The following ARHGEF10 variants were observed in gnomAD, a reference collection of about 807,000 sequenced individuals.
ARHGEF10 encodes Rho guanine nucleotide exchange factor (GEF) 10.
A neutral mutation model predicts 147.4 loss-of-function variants in ARHGEF10; 140 were observed. That is an observed-to-expected ratio of 0.95 (90% confidence interval 0.83 to 1.09). The LOEUF is 1.09. Ranked by LOEUF, ARHGEF10 falls within the 50% of genes least tolerant of loss-of-function variation. The probability of loss-of-function intolerance (pLI) is 0.00; values close to 1 mark genes in which losing one functional copy is unlikely to be tolerated. For missense variants in ARHGEF10, 2,222 were observed against 1,752.7 expected (o/e 1.27, Z -4.78); for synonymous variants, 902 against 695.8 (o/e 1.30, Z -4.67).
At chr8:1,866,633 C>G (rs746630899) in intron 6 of ARHGEF10, 31 bp downstream of exon 6, 2 of 1,594,020 alleles carry the variant, frequency 1.3e-6, no homozygotes, top group Non-Finnish European at 1.7e-6. Flanking sequence ...CAGCCAGAAT[C>G]CTCACCACGC....
In ARHGEF10 at chr8:1,926,468, G is replaced by T; in HGVS notation, c.2697+5G>T. 1 of 1,612,984 alleles carries T rather than the reference G, an allele frequency of 6.2e-7. No individual in the cohort carries two copies. Among genetic ancestry groups the T allele is most frequent in the Non-Finnish European group, 8.5e-7 (1 of 1,178,962 alleles). On this transcript the variant is annotated splice_donor_5th_base_variant and intron_variant, in intron 23 of 28. Coordinates refer to ENST00000349830, the MANE Select transcript of ARHGEF10 (RefSeq NM_014629.4). ...ACGGCACATGGTTTCCTGTGGGTAA[G>T]ATGTGTTTATTTGGTTTTGGTACAA...
intron 27 of ARHGEF10, chr8:1,945,893 G>GAGCCGCGTGCTGGGAGA: frequency 1.4e-6 from 1 of 713,956 alleles, no homozygotes; most frequent in Admixed American, 2.4e-5. Flanking sequence ...GTGCTGGGAG[G>GAGCCGCGTGCTGGGAGA]AGCCGCGTGC....
At chr8:1,917,297 T>C (rs540371221) in intron 18 of ARHGEF10, among the ~76,000 whole-genome samples, 1 of 152,358 alleles carries the variant, frequency 6.6e-6, no homozygotes, top group South Asian at 2.1e-4. Context: ...TTTTATGATT[T>C]GATTTGTGAA....
intron 18 of ARHGEF10, among the ~76,000 whole-genome samples, chr8:1,910,227 A>G (rs999219248): frequency 6.6e-6 from 1 of 152,188 alleles, no homozygotes; most frequent in Non-Finnish European, 1.5e-5. Flanking sequence ...ATATGCATGA[A>G]TTTTTCAGAT....
intron 21 of ARHGEF10, 76 bp downstream of exon 21, chr8:1,923,950 G>C: frequency 7.2e-7 from 1 of 1,387,162 alleles, no homozygotes; most frequent in Non-Finnish European, 1.0e-6. Flanking sequence ...GTGAGGTCAG[G>C]GTTGAGAAGG....
rs868539960 is a variant in ARHGEF10, at chr8:1,841,884, G to T, written c.-47-1469G>T. Among the ~76,000 whole-genome samples, 826 of 106,894 alleles carry T rather than the reference G, an allele frequency of 7.7e-3. 12 individuals carry two copies. The highest frequency in any genetic ancestry group is 0.032 in the African/African-American group (732 of 22,658). 70.1% of individuals were successfully genotyped at this position (106,894 alleles called of 152,430 possible). The stretch of plus-strand genomic sequence containing the variant: ...AACTGGGGCCGCGGCGGGAACTGGG[G>T]CCGCGGCGGGAACTGGGGCCGCGGC... On this transcript the variant is annotated intron_variant, in intron 1 of 28. Coordinates refer to ENST00000349830, the MANE Select transcript of ARHGEF10 (RefSeq NM_014629.4).
At chr8:1,880,561 A>G (rs1426953761) in intron 9 of ARHGEF10, among the ~76,000 whole-genome samples, 4 of 152,378 alleles carry the variant, frequency 2.6e-5, no homozygotes, top group African/African-American at 9.6e-5. Context: ...TTATAAAAAT[A>G]TCCAAAATTT....
chr8:1,875,437 G>A (rs1807614484), intron 7 of ARHGEF10, among the ~76,000 whole-genome samples: 1 of 152,116 alleles, frequency 6.6e-6, no homozygotes, highest in Non-Finnish European at 1.5e-5. Context: ...GAGCTCTCAG[G>A]ATGATGCCCA....
intron 11 of ARHGEF10, among the ~76,000 whole-genome samples, chr8:1,889,894 G>A (rs1809300576): frequency 7.3e-6 from 1 of 137,528 alleles, no homozygotes; most frequent in African/African-American, 2.9e-5. Flanking sequence ...AGGAGACACT[G>A]CATGGGGTGA....
chr8:1,851,683 C>T (rs571057887), intron 2 of ARHGEF10, among the ~76,000 whole-genome samples: 1 of 152,244 alleles, frequency 6.6e-6, no homozygotes, highest in East Asian at 1.9e-4. Context: ...GAGGCCGAGG[C>T]AGGAGGATCA....
intron 11 of ARHGEF10, among the ~76,000 whole-genome samples, chr8:1,887,722 AG>A (rs1808804526): frequency 6.8e-6 from 1 of 147,350 alleles, no homozygotes; most frequent in African/African-American, 2.5e-5. Flanking sequence ...GTTTGTGAGA[AG>A]ACGCTAGATG....
At chr8:1,838,436 G>C (rs140593010) in intron 1 of ARHGEF10, among the ~76,000 whole-genome samples, 1 of 152,220 alleles carries the variant, frequency 6.6e-6, no homozygotes, top group Non-Finnish European at 1.5e-5. Flanking sequence ...ACAGCCACCC[G>C]GCACCCGCCC....
At position 1,952,856 on chromosome 8, in the gene ARHGEF10, G is replaced by C. The variant is rs557607453; in HGVS notation, c.3520+29G>C. ...AGTGGCACCTGCAGTCTGAGTGGCT[G>C]CATCCTGTCTTGCAGGCTCGTGGAG... On this transcript the variant is annotated intron_variant, in intron 28 of 28. Coordinates refer to ENST00000349830, the MANE Select transcript of ARHGEF10 (RefSeq NM_014629.4). 2.3e-5 allele frequency: 37 copies of C among 1,613,540 alleles called. 1 individual carries two copies. In the Admixed American group the frequency reaches 5.5e-4, roughly 24 times the overall value.
rs748806302 is a variant in ARHGEF10 at position 1,928,430 on chromosome 8, G to A, written c.2701G>A (p.Gly901Arg). The A allele has an allele frequency of 7.4e-6, 12 of 1,613,638 alleles. No individual in the cohort carries two copies. Among genetic ancestry groups the A allele is most frequent in the East Asian group, 2.2e-5 (1 of 44,880 alleles). ...TCCTCCTAATTCTCTGATTCAGATCGGAAGTTGCACCCATCAAATGGGTCA... is the reference window on the plus strand; with the variant it reads ...TCCTCCTAATTCTCTGATTCAGATCAGAAGTTGCACCCATCAAATGGGTCA... ...FSTAHGFLWIGSCTHQMGQIA... is the reference protein window; with the variant it reads ...FSTAHGFLWIRSCTHQMGQIA... The change falls in exon 24 of 29, where the codon GGA becomes AGA. Residue 901 changes from glycine (G) to arginine (R), a missense_variant. Transcript: ENST00000349830.
chr8:1,848,589 A>G (rs1435497810), intron 2 of ARHGEF10, among the ~76,000 whole-genome samples: 1 of 152,214 alleles, frequency 6.6e-6, no homozygotes, highest in Non-Finnish European at 1.5e-5. Flanking sequence ...TAGGGAAGCT[A>G]CATTTCAGGT....
intron 1 of ARHGEF10, among the ~76,000 whole-genome samples, chr8:1,830,189 G>A (rs1803006361): frequency 6.6e-6 from 1 of 151,978 alleles, no homozygotes; most frequent in Admixed American, 6.5e-5. Flanking sequence ...CTGTGTGCGC[G>A]CACCTGTAAT....
intron 1 of ARHGEF10, among the ~76,000 whole-genome samples, chr8:1,830,512 C>G (rs1344130374): frequency 6.6e-6 from 1 of 152,164 alleles, no homozygotes; most frequent in Non-Finnish European, 1.5e-5. Context: ...AACCTTTGCA[C>G]ATGAAGAAAA....
chr8:1,844,892 C>T (rs1023888851), intron 2 of ARHGEF10, among the ~76,000 whole-genome samples: 4 of 152,022 alleles, frequency 2.6e-5, no homozygotes, highest in African/African-American at 4.8e-5. Context: ...CGTAGTGAGA[C>T]CCCATATCTG....
intron 1 of ARHGEF10, chr8:1,826,134 C>T: frequency 1.3e-6 from 2 of 1,593,830 alleles, no homozygotes; most frequent in Non-Finnish European, 1.7e-6. Context: ...GATTTCTCAG[C>T]AGTAAGAAAA....
Sources: allele counts gnomAD v4.1 joint callset (sites outside exome capture counted in the v4.1 genomes callset), GRCh38; gene constraint gnomAD v4.1.1; transcripts MANE v1.5; gene names NCBI Gene and HGNC (gene_info 2026-07-23, HGNC 2026-07-21).